LPP: variants seen among roughly 807,000 people sequenced by gnomAD.
The protein encoded by LPP is lipoma-preferred partner.
A neutral mutation model predicts 60.4 loss-of-function variants in LPP; 38 were observed. The observed-to-expected ratio is 0.63, with a 90% CI of 0.49 to 0.83. LPP has a LOEUF of 0.83. Among genes scored for constraint, LPP ranks in the 40% least tolerant of loss-of-function variants. The pLI is 0.00. For synonymous variants in LPP, 328 were observed against 290.8 expected, an observed-to-expected ratio of 1.13 and a Z score of -1.30; for missense variants, 902 against 783.6, an observed-to-expected ratio of 1.15 and a Z score of -1.80.
chr3:188,749,767 G>A (rs1727478927), intron 8 of LPP, among the ~76,000 whole-genome samples: 1 of 152,126 alleles, frequency 6.6e-6, no homozygotes, highest in Non-Finnish European at 1.5e-5. Flanking sequence ...AGTTTTATGT[G>A]AATCTGCAAA....
At chr3:188,196,481 C>T (rs1356460217) in intron 1 of LPP, among the ~76,000 whole-genome samples, 1 of 152,162 alleles carries the variant, frequency 6.6e-6, no homozygotes, top group African/African-American at 2.4e-5. Flanking sequence ...CTGCCCACTT[C>T]CCTCCTCCCT....
chr3:188,376,773 G>T (rs59903509), intron 3 of LPP, among the ~76,000 whole-genome samples: 1,699 of 152,146 alleles, frequency 0.011, 28 homozygotes, highest in African/African-American at 0.037. Flanking sequence ...TATTTTGCTC[G>T]CTAGTTGATG....
At chr3:188,330,691 C>T (rs976163701) in intron 2 of LPP, among the ~76,000 whole-genome samples, 11 of 152,076 alleles carry the variant, frequency 7.2e-5, no homozygotes, top group African/African-American at 2.7e-4. Context: ...TGGCCCATGC[C>T]TGTAGCCCCA....
In LPP at chr3:188,731,792, G is replaced by T. The variant is rs186184560; in HGVS notation, c.1240+23399G>T. Reference sequence around the variant, plus strand: ...CCACCTCAGCCTCCAAAAGTGCTAGGATTACAGGCATGAGCCACCGCGCCT... The same window carrying T: ...CCACCTCAGCCTCCAAAAGTGCTAGTATTACAGGCATGAGCCACCGCGCCT... On this transcript the variant is annotated intron_variant, in intron 8 of 11. Transcript: ENST00000617246. Among the ~76,000 whole-genome samples the T allele has an allele frequency of 7.8e-3, 1,185 of 152,220 alleles. 4 individuals carry two copies. Among genetic ancestry groups the T allele is most frequent in the Non-Finnish European group, 0.011 (763 of 68,010 alleles).
chr3:188,866,244 G>A lies in LPP; in HGVS notation c.1455G>A (p.Glu485=). ...ATGTGTGTTCCAAGCCCATCATGGA[G>A]CGGATTCTCCGAGCCACCGGGAAGG... The part of the protein sequence containing the change: ...QCNVCSKPIM[E]RILRATGKAY... Residue 485 remains glutamate (E), a synonymous_variant, in exon 10 of 12, where the codon GAG becomes GAA. Coordinates refer to ENST00000617246, the MANE Select transcript of LPP (RefSeq NM_001375462.1). 1.3e-6 allele frequency: 2 copies of A among 1,580,842 alleles called. No homozygotes were observed. Among genetic ancestry groups the A allele is most frequent in the Non-Finnish European group, 1.7e-6 (2 of 1,162,718 alleles).
intron 5 of LPP, among the ~76,000 whole-genome samples, chr3:188,513,447 GA>G (rs1483047161): frequency 6.6e-6 from 1 of 152,026 alleles, no homozygotes; most frequent in African/African-American, 2.4e-5. Context: ...TTTACCAGGG[GA>G]TCTGCTGCTT....
chr3:188,791,356 C>T (rs1743679635), intron 9 of LPP, among the ~76,000 whole-genome samples: 1 of 152,168 alleles, frequency 6.6e-6, no homozygotes, highest in Non-Finnish European at 1.5e-5. Context: ...CTATTTAAAA[C>T]TCTTCAATGA....
intron 9 of LPP, among the ~76,000 whole-genome samples, chr3:188,816,292 C>G (rs1237988011): frequency 6.6e-6 from 1 of 150,762 alleles, no homozygotes; most frequent in East Asian, 2.0e-4. Flanking sequence ...AGCTCCACCT[C>G]CCGGGTTCAC....
chr3:188,669,393 G>C (rs920438601), intron 7 of LPP, among the ~76,000 whole-genome samples: 9 of 152,000 alleles, frequency 5.9e-5, no homozygotes, highest in Non-Finnish European at 1.0e-4. Flanking sequence ...TGACTAACAT[G>C]GTGAAACCCC....
intron 2 of LPP, among the ~76,000 whole-genome samples, chr3:188,263,752 T>C (rs1267589029): frequency 6.6e-6 from 1 of 152,252 alleles, no homozygotes; most frequent in Non-Finnish European, 1.5e-5. Flanking sequence ...TTCTAACCCA[T>C]CACTGATAGC....
intron 4 of LPP, among the ~76,000 whole-genome samples, chr3:188,462,202 T>C (rs1249191123): frequency 6.6e-6 from 1 of 151,944 alleles, no homozygotes; most frequent in African/African-American, 2.4e-5. Context: ...ATTACGTCTC[T>C]TTTTTGAAAA....
At chr3:188,810,426 C>T (rs1750564710) in intron 9 of LPP, among the ~76,000 whole-genome samples, 1 of 151,756 alleles carries the variant, frequency 6.6e-6, no homozygotes, top group African/African-American at 2.4e-5. Context: ...GACTACATTA[C>T]AATAGTCATG....
chr3:188,548,478 A>G (rs1378737601), intron 6 of LPP, among the ~76,000 whole-genome samples: 1 of 152,054 alleles, frequency 6.6e-6, no homozygotes, highest in Non-Finnish European at 1.5e-5. Flanking sequence ...GGATTGAGGG[A>G]GTTTGACCTG....
At chr3:188,521,439 A>T (rs1818838394) in intron 5 of LPP, among the ~76,000 whole-genome samples, 1 of 152,124 alleles carries the variant, frequency 6.6e-6, no homozygotes, top group Non-Finnish European at 1.5e-5. Flanking sequence ...GTGGTTAGAT[A>T]TTGCAGTGAC....
rs1766570462 is a variant in LPP, at chr3:188,866,254, C to T, written c.1465C>T (p.Arg489Ter). 3 of 1,583,406 alleles carry T rather than the reference C, an allele frequency of 1.9e-6. No individual in the cohort carries two copies. Among genetic ancestry groups the T allele is most frequent in the South Asian group, 1.2e-5 (1 of 86,780 alleles). ...CAAGCCCATCATGGAGCGGATTCTC[C>T]GAGCCACCGGGAAGGCCTATCATCC... ...CSKPIMERIL[R>*]ATGKAYHPHC... Residue 489 changes from arginine to a stop codon, truncating the protein, a stop_gained, in exon 10 of 12, where the codon CGA becomes TGA. Coordinates refer to ENST00000617246, the MANE Select transcript of LPP (RefSeq NM_001375462.1). LOFTEE classifies it high-confidence loss of function.
intron 6 of LPP, among the ~76,000 whole-genome samples, chr3:188,594,143 G>A (rs1049472737): frequency 2.3e-4 from 35 of 152,290 alleles, no homozygotes; most frequent in African/African-American, 8.2e-4. Flanking sequence ...TTAAGAATGT[G>A]TAAGAATTAC....
At chr3:188,437,402 G>T (rs1401833846) in intron 4 of LPP, among the ~76,000 whole-genome samples, 1 of 152,054 alleles carries the variant, frequency 6.6e-6, no homozygotes, top group Non-Finnish European at 1.5e-5. Flanking sequence ...ATCCTTCTTG[G>T]ATATTTTTGT....
At chr3:188,829,414 G>A (rs1183738729) in intron 9 of LPP, among the ~76,000 whole-genome samples, 2 of 152,050 alleles carry the variant, frequency 1.3e-5, no homozygotes, top group Non-Finnish European at 2.9e-5. Context: ...AACCATTTCT[G>A]TCCAGTGGGA....
intron 3 of LPP, among the ~76,000 whole-genome samples, chr3:188,378,901 C>T (rs921117403): frequency 2.6e-5 from 4 of 152,106 alleles, no homozygotes; most frequent in African/African-American, 9.7e-5. Flanking sequence ...ACATGTATTT[C>T]TTTGTTTATT....
Sources: gnomAD v4.1 joint callset for allele counts (sites outside exome capture counted in the v4.1 genomes callset) on GRCh38, gnomAD v4.1.1 for gene constraint, MANE v1.5 for transcripts, NCBI Gene and HGNC (gene_info 2026-07-23, HGNC 2026-07-21) for gene names.